ROBO2: variants seen among roughly 807,000 people sequenced by gnomAD.
ROBO2 encodes the protein roundabout guidance receptor 2, also known as roundabout homolog 2.
Under a neutral mutation model 160.8 loss-of-function variants are expected in ROBO2, and 53 were observed. That is an observed-to-expected ratio of 0.33 (90% CI 0.26 to 0.41). The LOEUF is 0.41. ROBO2 is among the 10% of genes least tolerant of loss of function. The probability of loss-of-function intolerance (pLI) is 1.00; values close to 1 mark genes in which losing one functional copy is unlikely to be tolerated. For missense variants in ROBO2, 1,577 were observed against 1,722.4 expected (o/e 0.92, Z 1.49); for synonymous variants, 664 against 611.7 (o/e 1.09, Z -1.26).
chr3:76,158,034 T>C (rs1277037722), intron 2 of ROBO2, among the ~76,000 whole-genome samples: 2 of 152,132 alleles, frequency 1.3e-5, no homozygotes, highest in African/African-American at 2.4e-5. Flanking sequence ...CCAAAATATG[T>C]TACTGGTCTC....
chr3:77,057,096 A>G (rs2065826751), intron 1 of ROBO2, among the ~76,000 whole-genome samples: 2 of 152,332 alleles, frequency 1.3e-5, no homozygotes, highest in South Asian at 4.1e-4. Context: ...GATTAAGAAA[A>G]TGTGGCAATA....
At chr3:77,302,439 C>T (rs548937880) in intron 2 of ROBO2, among the ~76,000 whole-genome samples, 1 of 152,106 alleles carries the variant, frequency 6.6e-6, no homozygotes, top group Non-Finnish European at 1.5e-5. Context: ...GGCTTACTTT[C>T]CTTGTCTCCC....
intron 2 of ROBO2, among the ~76,000 whole-genome samples, chr3:76,615,741 T>C (rs112826057): frequency 1.9e-4 from 29 of 152,214 alleles, no homozygotes; most frequent in Admixed American, 5.2e-4. Flanking sequence ...GCAAACCAAG[T>C]ATTTTTACTT....
chr3:77,479,663 T>C (rs2084445392), intron 3 of ROBO2, among the ~76,000 whole-genome samples: 1 of 152,166 alleles, frequency 6.6e-6, no homozygotes, highest in Non-Finnish European at 1.5e-5. Flanking sequence ...ACCAAATTTA[T>C]GAAAATGTAC....
intron 2 of ROBO2, among the ~76,000 whole-genome samples, chr3:75,957,650 A>G (rs1559783437): frequency 6.6e-6 from 1 of 151,104 alleles, no homozygotes; most frequent in African/African-American, 2.4e-5. Context: ...ATCTCTCTAC[A>G]TGTTATTGAT....
intron 2 of ROBO2, among the ~76,000 whole-genome samples, chr3:77,454,770 C>G (rs926524067): frequency 1.3e-5 from 2 of 152,068 alleles, no homozygotes; most frequent in Non-Finnish European, 2.9e-5. Context: ...TGTGTCTTCT[C>G]TTTTTCAATT....
chr3:76,681,679 A>T (rs1415239063), intron 2 of ROBO2, among the ~76,000 whole-genome samples: 2 of 152,172 alleles, frequency 1.3e-5, no homozygotes, highest in African/African-American at 2.4e-5. Flanking sequence ...AGCAGACAAG[A>T]GAGTATGGAG....
At chr3:77,422,008 T>C (rs1339101693) in intron 2 of ROBO2, among the ~76,000 whole-genome samples, 2 of 152,192 alleles carry the variant, frequency 1.3e-5, no homozygotes, top group African/African-American at 4.8e-5. Context: ...AAAAATTAGA[T>C]TCATGTGCTG....
chr3:77,263,119 T>G (rs1263938628), intron 2 of ROBO2, among the ~76,000 whole-genome samples: 1 of 152,158 alleles, frequency 6.6e-6, no homozygotes, highest in African/African-American at 2.4e-5. Flanking sequence ...TGTAGAACCA[T>G]TAAGTCAATT....
intron 2 of ROBO2, among the ~76,000 whole-genome samples, chr3:77,106,738 G>A (rs2072863050): frequency 6.6e-6 from 1 of 152,196 alleles, no homozygotes; most frequent in Admixed American, 6.5e-5. Flanking sequence ...TATACCATTA[G>A]AATTGATTTT....
chr3:77,187,084 G>T (rs1191862434), intron 2 of ROBO2, among the ~76,000 whole-genome samples: 2 of 151,952 alleles, frequency 1.3e-5, no homozygotes, highest in African/African-American at 2.4e-5. Flanking sequence ...TGAAAACGAA[G>T]ACATCAATAA....
chr3:77,081,929 C>T (rs1343335975), intron 1 of ROBO2, among the ~76,000 whole-genome samples: 1 of 152,140 alleles, frequency 6.6e-6, no homozygotes, highest in East Asian at 1.9e-4. Flanking sequence ...ACCTTCACTT[C>T]AGAAGGAGAA....
intron 1 of ROBO2, among the ~76,000 whole-genome samples, chr3:77,094,224 A>G (rs1361690980): frequency 2.6e-5 from 4 of 152,160 alleles, no homozygotes; most frequent in Non-Finnish European, 5.9e-5. Flanking sequence ...TTCTCTGGAC[A>G]TGTCATATAA....
chr3:77,212,503 C>A (rs1580033199), intron 2 of ROBO2, among the ~76,000 whole-genome samples: 3 of 152,246 alleles, frequency 2.0e-5, no homozygotes, highest in African/African-American at 7.2e-5. Flanking sequence ...TCTAGATATA[C>A]AATCATGTCA....
intron 22 of ROBO2, 95 bp downstream of exon 23, chr3:77,617,868 G>T: frequency 7.6e-7 from 1 of 1,318,122 alleles, no homozygotes; most frequent in South Asian, 1.2e-5. Flanking sequence ...GAACTACACA[G>T]CTAGGGTTAA....
At chr3:77,062,036 G>C (rs368886503) in intron 1 of ROBO2, among the ~76,000 whole-genome samples, 1 of 152,072 alleles carries the variant, frequency 6.6e-6, no homozygotes, top group Admixed American at 6.6e-5. Context: ...GAGAGAAACC[G>C]AGAGTTTAGA....
rs544725255 is a variant in ROBO2 at position 76,215,445 on chromosome 3, C to G, written c.109+277843C>G. Among the ~76,000 whole-genome samples, 6 of 152,170 alleles carry G rather than the reference C, an allele frequency of 3.9e-5. No individual in the cohort carries two copies. In the East Asian group the frequency reaches 9.7e-4, roughly 25 times the overall value. ...TAGACGAATGGCTAACTAGAATAAC[C>G]AATGCAGAGAAGTCCTTAAAGGACC... On this transcript the variant is annotated intron_variant, in intron 2 of 26. Transcript: ENST00000487694.
chr3:76,811,459 T>A (rs12152492), intron 2 of ROBO2, among the ~76,000 whole-genome samples: 5,038 of 152,244 alleles, frequency 0.033, 106 homozygotes, highest in Non-Finnish European at 0.053. Flanking sequence ...AACTATTCTC[T>A]TTGCTCATCA....
chr3:77,595,226 T>A, intron 18 of ROBO2, 42 bp downstream of exon 19: 2 of 1,471,928 alleles, frequency 1.4e-6, no homozygotes, highest in South Asian at 2.3e-5. Flanking sequence ...TTATTTTTAA[T>A]CAGGACTGGG....
Sources: allele counts gnomAD v4.1 joint callset (sites outside exome capture counted in the v4.1 genomes callset), GRCh38; gene constraint gnomAD v4.1.1; transcripts MANE v1.5; gene names NCBI Gene and HGNC (gene_info 2026-07-23, HGNC 2026-07-21).